Variants in RBM46 observed in about 807,000 individuals in gnomAD.
RBM46 encodes RNA binding motif protein 46, also known as probable RNA-binding protein 46.
In RBM46, 12 loss-of-function variants were observed where a neutral mutation model predicts 43.3. That is an observed-to-expected ratio of 0.28 (90% CI 0.18 to 0.45). RBM46 has a LOEUF of 0.45. Ranked by LOEUF, RBM46 falls within the 20% of genes least tolerant of loss-of-function variation. RBM46 has a pLI of 1.00. For missense variants in RBM46, 412 were observed against 639.1 expected (o/e 0.64, Z 3.83); for synonymous variants, 205 against 207.6 (o/e 0.99, Z 0.11).
chr4:154,786,429 A>C (rs777284798), intron 1 of RBM46, among the ~76,000 whole-genome samples: 2 of 152,060 alleles, frequency 1.3e-5, no homozygotes, highest in Admixed American at 1.3e-4. Context: ...AAAAAATAAC[A>C]TTTCTTTTAT....
intron 4 of RBM46, among the ~76,000 whole-genome samples, chr4:154,809,467 T>C: frequency 6.6e-6 from 1 of 152,136 alleles, no homozygotes; most frequent in East Asian, 1.9e-4. Context: ...CAAAAACTTG[T>C]ATAATCAACT....
chr4:154,805,094 G>A (rs1734846888), intron 4 of RBM46, among the ~76,000 whole-genome samples: 1 of 152,096 alleles, frequency 6.6e-6, no homozygotes, highest in African/African-American at 2.4e-5. Flanking sequence ...TAGAAAAATA[G>A]CATGTGGTGG....
intron 4 of RBM46, among the ~76,000 whole-genome samples, chr4:154,799,970 A>G (rs1734547714): frequency 6.6e-6 from 1 of 151,940 alleles, no homozygotes; most frequent in South Asian, 2.1e-4. Flanking sequence ...ACAGGGTTTC[A>G]CTGTGTTAGC....
Position 154,798,312 on chromosome 4 carries a change from T to A in RBM46, c.619+34T>A, listed in dbSNP as rs540083611. The A allele has an allele frequency of 3.1e-6, 4 of 1,306,458 alleles. No individual in the cohort carries two copies. The East Asian group carries it at 7.0e-5, about 23-fold the overall frequency. 80.9% of individuals were successfully genotyped at this position (1,306,458 alleles called of 1,614,324 possible). On this transcript the variant is annotated intron_variant, in intron 3 of 4. Coordinates refer to ENST00000281722, the MANE Select transcript of RBM46 (RefSeq NM_144979.5). ...AAAGGTTGTTTTTCAATATTAACAT[T>A]ATTACAAATATGGAGAGATGATAGT...
At chr4:154,811,388 G>GATTT (rs1638426428) in intron 4 of RBM46, among the ~76,000 whole-genome samples, 1 of 152,106 alleles carries the variant, frequency 6.6e-6, no homozygotes, top group South Asian at 2.1e-4. Context: ...AAATAGGAAT[G>GATTT]ATGATAACAG....
chr4:154,796,804 G>C lies in RBM46; in HGVS notation c.52G>C (p.Gly18Arg). 6.2e-7 allele frequency: 1 copy of C among 1,613,278 alleles called. No individual in the cohort carries two copies. Among genetic ancestry groups the C allele is most frequent in the East Asian group, 2.2e-5 (1 of 44,828 alleles). ...GTNGCSKVRT[G>R]IQNEAALLAL... Reference sequence around the variant, plus strand: ...AAATGGATGCAGTAAAGTTCGAACTGGTATTCAGAATGAAGCAGCATTACT... The same window carrying C: ...AAATGGATGCAGTAAAGTTCGAACTCGTATTCAGAATGAAGCAGCATTACT... The change falls in exon 2 of 5, where the codon GGT becomes CGT. Residue 18 changes from glycine to arginine, a missense_variant. By Grantham distance (125) the Gly-to-Arg change is moderately radical (BLOSUM62 -2). Coordinates refer to ENST00000281722, the MANE Select transcript of RBM46 (RefSeq NM_144979.5).
intron 1 of RBM46, among the ~76,000 whole-genome samples, chr4:154,789,363 A>T (rs1384106860): frequency 5.9e-5 from 9 of 152,142 alleles, no homozygotes; most frequent in Non-Finnish European, 8.8e-5. Context: ...TACCTAATTT[A>T]TTGAGAGTTT....
intron 4 of RBM46, among the ~76,000 whole-genome samples, chr4:154,812,017 CTT>C (rs76513488): frequency 3.4e-4 from 45 of 133,036 alleles, no homozygotes; most frequent in Admixed American, 4.6e-4. Flanking sequence ...CACTTCTTTA[CTT>C]TTTTTTTTTT....
chr4:154,788,200 A>G (rs1578890743), intron 1 of RBM46, among the ~76,000 whole-genome samples: 1 of 152,038 alleles, frequency 6.6e-6, no homozygotes, highest in Non-Finnish European at 1.5e-5. Context: ...ATTAGATCCC[A>G]TTTGTGAATT....
At chr4:154,807,840 A>T (rs1046686120) in intron 4 of RBM46, among the ~76,000 whole-genome samples, 2 of 151,916 alleles carry the variant, frequency 1.3e-5, no homozygotes, top group African/African-American at 4.8e-5. Context: ...TTGGTTAGAG[A>T]TGTATTAATG....
intron 1 of RBM46, among the ~76,000 whole-genome samples, chr4:154,795,615 C>T (rs1384853701): frequency 6.6e-6 from 1 of 151,988 alleles, no homozygotes; most frequent in Non-Finnish European, 1.5e-5. Context: ...AGCTTTTAAA[C>T]TTATTTTTTA....
intron 4 of RBM46, among the ~76,000 whole-genome samples, chr4:154,818,198 C>G (rs976648904): frequency 2.0e-5 from 3 of 152,096 alleles, no homozygotes; most frequent in Admixed American, 6.5e-5. Context: ...TCTGTTTCTT[C>G]CATCTCTAAG....
intron 4 of RBM46, among the ~76,000 whole-genome samples, chr4:154,810,320 C>T (rs1377681175): frequency 6.6e-6 from 1 of 152,054 alleles, no homozygotes; most frequent in Non-Finnish European, 1.5e-5. Flanking sequence ...TTTTATTATA[C>T]TCAGACTATA....
chr4:154,815,196 G>A (rs891518042), intron 4 of RBM46, among the ~76,000 whole-genome samples: 1 of 151,864 alleles, frequency 6.6e-6, no homozygotes, highest in Non-Finnish European at 1.5e-5. Context: ...GTATTTCATC[G>A]GAGTGTTGTA....
intron 4 of RBM46, among the ~76,000 whole-genome samples, chr4:154,809,574 G>C (rs1046796142): frequency 1.3e-5 from 2 of 152,024 alleles, no homozygotes; most frequent in African/African-American, 4.8e-5. Flanking sequence ...TAAATATATA[G>C]TATATTGATT....
At chr4:154,790,945 C>G (rs150406479) in intron 1 of RBM46, among the ~76,000 whole-genome samples, 1 of 152,084 alleles carries the variant, frequency 6.6e-6, no homozygotes, top group Non-Finnish European at 1.5e-5. Flanking sequence ...GAATTTCAAC[C>G]GACAATAGCA....
At chr4:154,789,379 A>G (rs1733962170) in intron 1 of RBM46, among the ~76,000 whole-genome samples, 1 of 152,170 alleles carries the variant, frequency 6.6e-6, no homozygotes, top group Non-Finnish European at 1.5e-5. Flanking sequence ...AGTTTTTAGC[A>G]TGGAGGGCTG....
intron 4 of RBM46, among the ~76,000 whole-genome samples, chr4:154,822,776 T>C (rs1309729450): frequency 6.6e-6 from 1 of 151,674 alleles, no homozygotes; most frequent in Non-Finnish European, 1.5e-5. Context: ...ATAAACATAC[T>C]TCATAGATGA....
intron 4 of RBM46, among the ~76,000 whole-genome samples, chr4:154,806,660 AT>A (rs1223601193): frequency 3.3e-5 from 5 of 151,830 alleles, no homozygotes; most frequent in East Asian, 3.8e-4. Flanking sequence ...GGAAAAAAAA[AT>A]AAATAAATAA....
Sources: allele counts gnomAD v4.1 joint callset (sites outside exome capture counted in the v4.1 genomes callset), GRCh38; gene constraint gnomAD v4.1.1; transcripts MANE v1.5; gene names NCBI Gene and HGNC (gene_info 2026-07-23, HGNC 2026-07-21).